Variants in SMAD1 observed in about 807,000 individuals in gnomAD.
SMAD1 encodes the protein MAD, mothers against decapentaplegic homolog 1.
In SMAD1, 6 loss-of-function variants were observed where a neutral mutation model predicts 41.6. That is an observed-to-expected ratio of 0.14 (90% CI 0.08 to 0.28). The LOEUF is 0.28. Among genes scored for constraint, SMAD1 ranks in the 10% least tolerant of loss-of-function variants. SMAD1 has a pLI of 1.00. For missense variants in SMAD1, 379 were observed against 582.6 expected (o/e 0.65, Z 3.60); for synonymous variants, 206 against 203.2 (o/e 1.01, Z -0.12).
chr4:145,536,487 A>G (rs1731620589), intron 2 of SMAD1, among the ~76,000 whole-genome samples: 1 of 152,204 alleles, frequency 6.6e-6, no homozygotes, highest in South Asian at 2.1e-4. Flanking sequence ...ATCTAAGACA[A>G]TATGACCATC....
At chr4:145,506,071 T>G (rs1729759156) in intron 1 of SMAD1, among the ~76,000 whole-genome samples, 1 of 152,148 alleles carries the variant, frequency 6.6e-6, no homozygotes, top group Non-Finnish European at 1.5e-5. Context: ...CTTGAACTCT[T>G]GACTGGTGAT....
chr4:145,484,955 T>A (rs1728404272), intron 1 of SMAD1, among the ~76,000 whole-genome samples: 1 of 152,252 alleles, frequency 6.6e-6, no homozygotes, highest in Non-Finnish European at 1.5e-5. Context: ...TATAAACAGT[T>A]CAGGAAAAGA....
chr4:145,546,275 C>T (rs1268929769), intron 4 of SMAD1: 2 of 171,026 alleles, frequency 1.2e-5, no homozygotes, highest in East Asian at 2.9e-4. Context: ...TATGCCAGTA[C>T]CTTTGGCATA....
chr4:145,490,043 A>AGATAATCATGT (rs1728692879), intron 1 of SMAD1, among the ~76,000 whole-genome samples: 1 of 152,220 alleles, frequency 6.6e-6, no homozygotes, highest in Non-Finnish European at 1.5e-5. Context: ...AGAAGAAGTC[A>AGATAATCATGT]GATAATCATG....
chr4:145,549,568 G>A (rs1424601250), intron 5 of SMAD1, among the ~76,000 whole-genome samples: 1 of 152,050 alleles, frequency 6.6e-6, no homozygotes, highest in African/African-American at 2.4e-5. Flanking sequence ...TGGTTATATG[G>A]GTGTTCTTTG....
At chr4:145,491,751 G>A (rs1423345588) in intron 1 of SMAD1, among the ~76,000 whole-genome samples, 1 of 152,082 alleles carries the variant, frequency 6.6e-6, no homozygotes, top group Non-Finnish European at 1.5e-5. Context: ...CAGTGTGAGG[G>A]GCTATCAGTT....
At chr4:145,492,789 A>T (rs1452996915) in intron 1 of SMAD1, among the ~76,000 whole-genome samples, 1 of 152,224 alleles carries the variant, frequency 6.6e-6, no homozygotes, top group Non-Finnish European at 1.5e-5. Context: ...ATCACTTTGG[A>T]GTCTCCAAGG....
intron 1 of SMAD1, among the ~76,000 whole-genome samples, chr4:145,505,888 A>G (rs1729748250): frequency 6.6e-6 from 1 of 151,846 alleles, no homozygotes; most frequent in African/African-American, 2.4e-5. Context: ...TCTGTCACCC[A>G]GGCTGGAGTG....
At chr4:145,526,607 A>G (rs1731030024) in intron 2 of SMAD1, among the ~76,000 whole-genome samples, 1 of 151,356 alleles carries the variant, frequency 6.6e-6, no homozygotes, top group Non-Finnish European at 1.5e-5. Flanking sequence ...CAATTTGATC[A>G]ACGGAATAAT....
At chr4:145,542,836 T>C in intron 4 of SMAD1, 138 bp downstream of exon 4, 1 of 563,532 alleles carries the variant, frequency 1.8e-6, no homozygotes, top group South Asian at 2.7e-5. Context: ...AGAAGCTCAC[T>C]ACAATTGCTG....
intron 1 of SMAD1, among the ~76,000 whole-genome samples, chr4:145,489,032 A>G (rs1324212774): frequency 6.6e-6 from 1 of 152,254 alleles, no homozygotes; most frequent in African/African-American, 2.4e-5. Flanking sequence ...GTATCTGTAG[A>G]GCAGCACTGT....
intron 5 of SMAD1, among the ~76,000 whole-genome samples, chr4:145,548,952 T>C (rs1180497140): frequency 2.0e-5 from 3 of 152,168 alleles, no homozygotes; most frequent in Admixed American, 6.5e-5. Context: ...TGTCATACCC[T>C]GAGAAGGCCA....
chr4:145,491,829 A>G (rs138230411), intron 1 of SMAD1, among the ~76,000 whole-genome samples: 1 of 152,268 alleles, frequency 6.6e-6, no homozygotes, highest in East Asian at 1.9e-4. Flanking sequence ...CCTAGAGCAT[A>G]TTGAAATAGG....
In SMAD1 at chr4:145,526,345, C is replaced by T. The variant is rs1308861003; in HGVS notation, c.400+11332C>T. Among the ~76,000 whole-genome samples, 7 of 152,268 alleles carry T rather than the reference C, an allele frequency of 4.6e-5. No individual in the cohort carries two copies. The East Asian group carries it at 1.3e-3, about 29-fold the overall frequency. ...CTAGCTAGCTTTGTAGCAGATTTTG[C>T]AGTATTTTTTGTGTGTGACAATACC... On this transcript the variant is annotated intron_variant, in intron 2 of 6. Transcript: ENST00000302085.
chr4:145,492,026 AAGTT>A (rs1346019196), intron 1 of SMAD1, among the ~76,000 whole-genome samples: 7 of 152,154 alleles, frequency 4.6e-5, no homozygotes, highest in Non-Finnish European at 7.3e-5. Flanking sequence ...AAAAATGTAA[AAGTT>A]AGGCATCAGT....
In SMAD1 at chr4:145,481,904, G is replaced by C. The variant is rs1728193783; in HGVS notation, c.-311G>C. The C allele has an allele frequency of 6.5e-6, 1 of 154,144 alleles. No homozygotes were observed. Among genetic ancestry groups the C allele is most frequent in the Admixed American group, 6.5e-5 (1 of 15,296 alleles). The allele number at this position is 154,144 out of a possible 1,614,324, so 9.5% of individuals were successfully genotyped here. On this transcript the variant is annotated 5_prime_UTR_variant, in exon 1 of 7. Coordinates refer to ENST00000302085, the MANE Select transcript of SMAD1 (RefSeq NM_005900.3). ...CAGGCGGGCGGGCGGAGAAAGGAGAGGCCGAGCGGCTCAACCCGGGCCGAG... is the reference window on the plus strand; with the variant it reads ...CAGGCGGGCGGGCGGAGAAAGGAGACGCCGAGCGGCTCAACCCGGGCCGAG...
rs377271331 is a variant in SMAD1 at position 145,514,787 on chromosome 4, A to C, written c.174A>C (p.Pro58=). The change falls in exon 2 of 7, where the codon CCA becomes CCC. Residue 58 remains proline (P), a synonymous_variant. Transcript: ENST00000302085. This position sits in a 1 kb window ranked among gnomAD's most constrained non-coding sequence, Gnocchi z 4.7. Reference sequence around the variant, plus strand: ...AACTGGAAAAGGCCTTGAGCTGCCCAGGGCAACCGAGTAACTGTGTCACCA... The same window carrying C: ...AACTGGAAAAGGCCTTGAGCTGCCCCGGGCAACCGAGTAACTGTGTCACCA... ...MEELEKALSC[P]GQPSNCVTIP... 3.1e-6 allele frequency: 5 copies of C among 1,614,054 alleles called. No individual in the cohort carries two copies. Among genetic ancestry groups the C allele is most frequent in the Non-Finnish European group, 4.2e-6 (5 of 1,180,036 alleles).
intron 1 of SMAD1, among the ~76,000 whole-genome samples, chr4:145,486,892 G>T (rs1728505093): frequency 6.6e-6 from 1 of 151,872 alleles, no homozygotes; most frequent in Non-Finnish European, 1.5e-5. Context: ...TTGTTTTCAG[G>T]TTTTTTTTCT....
intron 1 of SMAD1, among the ~76,000 whole-genome samples, chr4:145,486,384 T>C (rs1000523027): frequency 3.3e-5 from 5 of 152,236 alleles, no homozygotes; most frequent in African/African-American, 9.6e-5. Flanking sequence ...TAATTCAGTT[T>C]GTCTGTCTTA....
Sources: allele counts gnomAD v4.1 joint callset (sites outside exome capture counted in the v4.1 genomes callset), GRCh38; gene constraint gnomAD v4.1.1; non-coding constraint Gnocchi (gnomAD v3.1); transcripts MANE v1.5; gene names NCBI Gene and HGNC (gene_info 2026-07-23, HGNC 2026-07-21).